MGAT4C: variants seen among roughly 807,000 people sequenced by gnomAD.
MGAT4C encodes the protein MGAT4 family member C, also known as alpha-1,3-mannosyl-glycoprotein 4-beta-N-acetylglucosaminyltransferase C.
Under a neutral mutation model 40.1 loss-of-function variants are expected in MGAT4C, and 19 were observed. The ratio of observed to expected loss-of-function variants is 0.47; its 90% CI spans 0.33 to 0.70. The LOEUF (loss-of-function observed/expected upper bound fraction) is 0.70. Ranked by LOEUF, MGAT4C falls within the 30% of genes least tolerant of loss-of-function variation. MGAT4C has a pLI of 0.02. For missense variants in MGAT4C, 491 were observed against 563.2 expected (o/e 0.87, Z 1.30); for synonymous variants, 181 against 187.1 (o/e 0.97, Z 0.27).
intron 1 of MGAT4C, among the ~76,000 whole-genome samples, chr12:86,081,735 AT>A (rs1870872669): frequency 1.3e-5 from 2 of 152,142 alleles, no homozygotes; most frequent in African/African-American, 4.8e-5. Context: ...CAAAAAGAAC[AT>A]GCTGATATAT....
chr12:86,230,538 G>A (rs1004392668), intron 1 of MGAT4C, among the ~76,000 whole-genome samples: 6 of 152,030 alleles, frequency 3.9e-5, no homozygotes, highest in South Asian at 2.1e-4. Flanking sequence ...GTCATCTTCC[G>A]GAGGAAACAA....
chr12:86,162,570 C>T (rs1452086565), intron 1 of MGAT4C, among the ~76,000 whole-genome samples: 3 of 151,998 alleles, frequency 2.0e-5, no homozygotes, highest in East Asian at 1.9e-4. Flanking sequence ...GATTCATAAT[C>T]CAAACCTCAG....
intron 1 of MGAT4C, among the ~76,000 whole-genome samples, chr12:86,111,409 TACAAGACTATGGA>T (rs1319064863): frequency 3.3e-5 from 5 of 151,858 alleles, no homozygotes; most frequent in Admixed American, 1.3e-4. Flanking sequence ...GTATACATAA[TACAAGACTATGGA>T]ACAAGAATTT....
intron 3 of MGAT4C, among the ~76,000 whole-genome samples, chr12:86,426,145 G>A (rs1386147638): frequency 6.6e-6 from 1 of 152,062 alleles, no homozygotes; most frequent in Non-Finnish European, 1.5e-5. Context: ...AGTATATTAT[G>A]GCATCTGCCC....
At chr12:86,066,605 A>T (rs1447065302) in intron 1 of MGAT4C, among the ~76,000 whole-genome samples, 1 of 152,202 alleles carries the variant, frequency 6.6e-6, no homozygotes, top group Non-Finnish European at 1.5e-5. Context: ...AACCATAAAA[A>T]CCCTAGAAGA....
chr12:86,075,791 T>G (rs1869581151), intron 1 of MGAT4C, among the ~76,000 whole-genome samples: 1 of 152,202 alleles, frequency 6.6e-6, no homozygotes, highest in Non-Finnish European at 1.5e-5. Flanking sequence ...TGTTGCCCCC[T>G]TTCAGCCACA....
At chr12:86,636,765 T>C (rs1963232139) in intron 2 of MGAT4C, among the ~76,000 whole-genome samples, 1 of 152,030 alleles carries the variant, frequency 6.6e-6, no homozygotes, top group Non-Finnish European at 1.5e-5. Flanking sequence ...GACTTTATTG[T>C]CAATCTTGTG....
chr12:86,741,268 T>A (rs1951064694), intron 1 of MGAT4C, among the ~76,000 whole-genome samples: 1 of 151,292 alleles, frequency 6.6e-6, no homozygotes, highest in African/African-American at 2.4e-5. Context: ...TAAAAACAAT[T>A]TAAAATAAAG....
chr12:86,525,936 G>A (rs1170552305), intron 2 of MGAT4C, among the ~76,000 whole-genome samples: 2 of 152,242 alleles, frequency 1.3e-5, no homozygotes, highest in Non-Finnish European at 2.9e-5. Flanking sequence ...GCATGTGCCA[G>A]CAGCAGTGGC....
intron 1 of MGAT4C, among the ~76,000 whole-genome samples, chr12:86,761,979 C>T (rs985175215): frequency 5.3e-5 from 8 of 151,856 alleles, no homozygotes; most frequent in Non-Finnish European, 1.2e-4. Context: ...CATTATTTAG[C>T]CTGCCACAAT....
In MGAT4C at chr12:86,207,111, C is replaced by CT. The variant is rs61602141; in HGVS notation, c.-57+49127dup. ...GAACCTATGTTGGACCCTTTTTTTT[C>CT]TTTTTTTTTTTTTAGCTCGCTTAAT... is the stretch of plus-strand genomic sequence containing the variant. On this transcript the variant is annotated intron_variant, in intron 1 of 4. Transcript: ENST00000611864. Among the ~76,000 whole-genome samples, 62 of 148,172 alleles carry CT rather than the reference C, an allele frequency of 4.2e-4. No homozygotes were observed. In the East Asian group the frequency reaches 6.3e-3, roughly 15 times the overall value.
rs545897002 is a variant in MGAT4C at position 86,642,076 on chromosome 12, AAG to A, written c.-229+85131_-229+85132del. Among the ~76,000 whole-genome samples the A allele has an allele frequency of 7.8e-4, 119 of 151,968 alleles. 1 individual carries two copies. Among genetic ancestry groups the A allele is most frequent in the African/African-American group, 2.7e-3 (112 of 41,534 alleles). On this transcript the variant is annotated intron_variant, in intron 2 of 7. Coordinates refer to the MGAT4C transcript ENST00000548651. ...GAACGAAATAGGAATGACAAATAGA[AAG>A]AGAGTGTGTAGTTGTGGCATTATTG...
intron 2 of MGAT4C, among the ~76,000 whole-genome samples, chr12:86,455,319 A>T (rs1957491511): frequency 6.6e-6 from 1 of 151,818 alleles, no homozygotes; most frequent in Non-Finnish European, 1.5e-5. Context: ...TAATTAAATC[A>T]CTCCTTATGT....
intron 4 of MGAT4C, among the ~76,000 whole-genome samples, chr12:86,274,051 G>C (rs920195897): frequency 6.6e-6 from 1 of 152,170 alleles, no homozygotes; most frequent in African/African-American, 2.4e-5. Flanking sequence ...TACAATCATG[G>C]CAGATAATTT....
intron 2 of MGAT4C, among the ~76,000 whole-genome samples, chr12:86,495,974 C>T (rs1208487012): frequency 2.0e-5 from 3 of 151,908 alleles, no homozygotes; most frequent in African/African-American, 7.2e-5. Flanking sequence ...CATTCCTGCC[C>T]CGCTATATAA....
intron 2 of MGAT4C, among the ~76,000 whole-genome samples, chr12:86,491,684 A>G (rs956775952): frequency 1.3e-4 from 19 of 151,668 alleles, no homozygotes; most frequent in South Asian, 4.2e-4. Context: ...CCCACAGCCA[A>G]TATCATACTG....
intron 4 of MGAT4C, among the ~76,000 whole-genome samples, chr12:86,308,411 C>T (rs980210804): frequency 6.6e-6 from 1 of 150,452 alleles, no homozygotes; most frequent in African/African-American, 2.5e-5. Context: ...TTTGAATTTA[C>T]ACAAATCTCT....
At chr12:86,188,012 T>A (rs563725452) in intron 1 of MGAT4C, among the ~76,000 whole-genome samples, 1 of 152,224 alleles carries the variant, frequency 6.6e-6, no homozygotes, top group East Asian at 1.9e-4. Flanking sequence ...GGATGAGATA[T>A]GTGTCCTGCT....
intron 2 of MGAT4C, among the ~76,000 whole-genome samples, chr12:86,714,084 T>A (rs1950602557): frequency 6.6e-6 from 1 of 152,076 alleles, no homozygotes; most frequent in South Asian, 2.1e-4. Flanking sequence ...TAACTTGAAA[T>A]TTTTATAGAA....
Sources: gnomAD v4.1 joint callset for allele counts (sites outside exome capture counted in the v4.1 genomes callset) on GRCh38, gnomAD v4.1.1 for gene constraint, MANE v1.5 for transcripts, NCBI Gene and HGNC (gene_info 2026-07-23, HGNC 2026-07-21) for gene names.